FHIT: variants seen among roughly 807,000 people sequenced by gnomAD.
FHIT encodes the protein fragile histidine triad diadenosine triphosphatase, also known as bis(5'-adenosyl)-triphosphatase.
A neutral mutation model predicts 17.9 loss-of-function variants in FHIT; 19 were observed. That is an observed-to-expected ratio of 1.06 (90% CI 0.74 to 1.56). The LOEUF (loss-of-function observed/expected upper bound fraction) is 1.56, where lower values mean the gene tolerates loss of function less well. Among genes scored for constraint, FHIT ranks in the 40% most tolerant of loss-of-function variants. The probability of loss-of-function intolerance (pLI) is 0.00; values close to 1 mark genes in which losing one functional copy is unlikely to be tolerated. For missense variants in FHIT, 248 were observed against 189.2 expected, an observed-to-expected ratio of 1.31 and a Z score of -1.82; for synonymous variants, 81 against 69.7, an observed-to-expected ratio of 1.16 and a Z score of -0.81.
intron 8 of FHIT, among the ~76,000 whole-genome samples, chr3:59,783,741 C>A (rs1228269330): frequency 6.6e-6 from 1 of 152,152 alleles, no homozygotes; most frequent in Non-Finnish European, 1.5e-5. Context: ...CAAACATCTC[C>A]ACACGTTGCC....
rs186364770 is a variant in FHIT, at chr3:60,731,583, C to T, written c.-18+90336G>A. ...TGTGTTTACTGCAGTGGTATGCATA[C>T]CCACTTGAGGCATGCTTCCCTTACC... On this transcript the variant is annotated intron_variant, in intron 4 of 9. Coordinates refer to ENST00000492590, the MANE Select transcript of FHIT (RefSeq NM_002012.4). Among the ~76,000 whole-genome samples the T allele has an allele frequency of 2.6e-3, 390 of 152,216 alleles. 1 individual carries two copies. Among genetic ancestry groups the T allele is most frequent in the Middle Eastern group, 0.014 (4 of 294 alleles).
chr3:60,743,848 G>T (rs912770157), intron 4 of FHIT, among the ~76,000 whole-genome samples: 4 of 152,152 alleles, frequency 2.6e-5, no homozygotes, highest in Non-Finnish European at 5.9e-5. Context: ...CTTTCACGGG[G>T]TTTTTTTGTC....
intron 4 of FHIT, among the ~76,000 whole-genome samples, chr3:60,632,325 A>G (rs1365453828): frequency 6.6e-6 from 1 of 152,146 alleles, no homozygotes; most frequent in African/African-American, 2.4e-5. Context: ...TTCCACAGAA[A>G]CTACTTTTAG....
chr3:60,359,837 T>C (rs1175119900), intron 5 of FHIT, among the ~76,000 whole-genome samples: 8 of 152,168 alleles, frequency 5.3e-5, no homozygotes, highest in Non-Finnish European at 1.0e-4. Flanking sequence ...GAATTTTATA[T>C]ATCAGGCTGG....
chr3:59,997,100 G>A (rs190854437), intron 7 of FHIT, among the ~76,000 whole-genome samples: 10 of 152,184 alleles, frequency 6.6e-5, no homozygotes, highest in Non-Finnish European at 1.2e-4. Context: ...ATAAATACTT[G>A]TTCCTATACC....
At chr3:59,983,618 C>A (rs920985644) in intron 7 of FHIT, among the ~76,000 whole-genome samples, 1 of 152,080 alleles carries the variant, frequency 6.6e-6, no homozygotes, top group African/African-American at 2.4e-5. Context: ...CCGCTGGGGT[C>A]TTAGAATGTA....
chr3:59,979,692 G>A (rs1208113832), intron 7 of FHIT, among the ~76,000 whole-genome samples: 1 of 152,052 alleles, frequency 6.6e-6, no homozygotes. Flanking sequence ...GATATGGTGG[G>A]GCTGTGGTGC....
intron 5 of FHIT, among the ~76,000 whole-genome samples, chr3:60,381,195 A>C (rs1700785362): frequency 6.6e-6 from 1 of 152,136 alleles, no homozygotes; most frequent in Non-Finnish European, 1.5e-5. Flanking sequence ...CAAACAAAAC[A>C]GGCTGGGCAC....
intron 5 of FHIT, among the ~76,000 whole-genome samples, chr3:60,151,785 G>C (rs1559679633): frequency 6.6e-6 from 1 of 152,012 alleles, no homozygotes; most frequent in Non-Finnish European, 1.5e-5. Context: ...TCAGTTTACT[G>C]CACCAATCTC....
rs72885756 is a variant in FHIT, at chr3:60,560,232, T to C, written c.-17-23253A>G. Among the ~76,000 whole-genome samples, 1,429 of 152,244 alleles carry C rather than the reference T, an allele frequency of 9.4e-3. 23 individuals carry two copies. Among genetic ancestry groups the C allele is most frequent in the African/African-American group, 0.033 (1,358 of 41,542 alleles). On this transcript the variant is annotated intron_variant, in intron 4 of 9. Transcript: ENST00000492590. ...GGTGTTAACTAATTAGTATACCATA[T>C]AGAAGTGCCTGTCTTGTATTATTTA...
chr3:60,306,856 C>T (rs1019828834), intron 5 of FHIT, among the ~76,000 whole-genome samples: 2 of 152,220 alleles, frequency 1.3e-5, no homozygotes, highest in Admixed American at 6.6e-5. Flanking sequence ...ACAGTCATAT[C>T]GTTTGAATTA....
chr3:60,507,753 T>G (rs2043313286), intron 5 of FHIT, among the ~76,000 whole-genome samples: 1 of 152,160 alleles, frequency 6.6e-6, no homozygotes, highest in African/African-American at 2.4e-5. Context: ...TAACTCCCAC[T>G]TATAAGTGAG....
At chr3:60,876,393 T>A (rs1553756548) in intron 3 of FHIT, among the ~76,000 whole-genome samples, 1 of 152,206 alleles carries the variant, frequency 6.6e-6, no homozygotes, top group East Asian at 1.9e-4. Context: ...CAGAATTTGA[T>A]GTTTTTAAGT....
intron 2 of FHIT, among the ~76,000 whole-genome samples, chr3:61,197,300 C>A (rs2038879271): frequency 6.6e-6 from 1 of 152,134 alleles, no homozygotes; most frequent in Non-Finnish European, 1.5e-5. Context: ...AGGTGAGGAA[C>A]CTCAGATCTT....
chr3:60,605,237 A>G (rs1249587545), intron 4 of FHIT, among the ~76,000 whole-genome samples: 1 of 152,136 alleles, frequency 6.6e-6, no homozygotes, highest in African/African-American at 2.4e-5. Flanking sequence ...CTGCTTTGCA[A>G]ATTAAAGGTG....
chr3:60,927,621 C>T (rs1353441201), intron 3 of FHIT, among the ~76,000 whole-genome samples: 1 of 151,692 alleles, frequency 6.6e-6, no homozygotes, highest in African/African-American at 2.4e-5. Flanking sequence ...TGAGGAGCGC[C>T]TCTGCCCGGC....
intron 5 of FHIT, among the ~76,000 whole-genome samples, chr3:60,083,701 T>C (rs923767440): frequency 2.6e-5 from 4 of 152,212 alleles, no homozygotes; most frequent in African/African-American, 9.6e-5. Context: ...TCAGTATGTA[T>C]GGCCTCTATT....
intron 5 of FHIT, among the ~76,000 whole-genome samples, chr3:60,236,849 T>C (rs1318786716): frequency 6.6e-6 from 1 of 152,190 alleles, no homozygotes; most frequent in East Asian, 1.9e-4. Flanking sequence ...GTTTCAGATC[T>C]TTTTCTATGC....
intron 4 of FHIT, among the ~76,000 whole-genome samples, chr3:60,769,358 C>T (rs993146071): frequency 3.3e-5 from 5 of 152,146 alleles, no homozygotes; most frequent in African/African-American, 9.7e-5. Context: ...GAGAGCAGTG[C>T]CTTTCACCAT....
Sources: gnomAD v4.1 joint callset for allele counts (sites outside exome capture counted in the v4.1 genomes callset) on GRCh38, gnomAD v4.1.1 for gene constraint, MANE v1.5 for transcripts, NCBI Gene and HGNC (gene_info 2026-07-23, HGNC 2026-07-21) for gene names.